Variants in AGBL1 observed in about 807,000 individuals in gnomAD.
The protein encoded by AGBL1 is cytosolic carboxypeptidase 4.
In AGBL1, 130 loss-of-function variants were observed where a neutral mutation model predicts 118.9. The ratio of observed to expected loss-of-function variants is 1.09; its 90% CI spans 0.95 to 1.26. AGBL1 has a LOEUF of 1.26. Among genes scored for constraint, AGBL1 ranks in the 50% most tolerant of loss-of-function variants. AGBL1 has a pLI of 0.00. For synonymous variants in AGBL1, 555 were observed against 478.9 expected, an observed-to-expected ratio of 1.16 and a Z score of -2.08; for missense variants, 1,584 against 1,298.1, an observed-to-expected ratio of 1.22 and a Z score of -3.38.
At chr15:86,744,286 A>G (rs965501927) in intron 22 of AGBL1, among the ~76,000 whole-genome samples, 1 of 152,154 alleles carries the variant, frequency 6.6e-6, no homozygotes, top group African/African-American at 2.4e-5. Flanking sequence ...ATATTTATAT[A>G]TTCTGCCATG....
intron 19 of AGBL1, among the ~76,000 whole-genome samples, chr15:86,544,690 A>G (rs2083554224): frequency 6.6e-6 from 1 of 152,158 alleles, no homozygotes; most frequent in African/African-American, 2.4e-5. Context: ...TACCCCCATG[A>G]TTTAATTGCT....
At chr15:86,638,460 A>G (rs1352189184) in intron 21 of AGBL1, among the ~76,000 whole-genome samples, 7 of 152,048 alleles carry the variant, frequency 4.6e-5, no homozygotes, top group Admixed American at 4.6e-4. Context: ...TTATCACTCT[A>G]TCTTGTGGGG....
intron 22 of AGBL1, among the ~76,000 whole-genome samples, chr15:86,896,883 G>C (rs1378502958): frequency 6.6e-6 from 1 of 152,080 alleles, no homozygotes; most frequent in Non-Finnish European, 1.5e-5. Context: ...CCATTTGTGA[G>C]ATCTTCACTA....
chr15:86,522,910 C>T lies in AGBL1; in HGVS notation c.2656C>T (p.His886Tyr). The change falls in exon 19 of 23, where the codon CAC becomes TAC. Residue 886 changes from histidine (H) to tyrosine (Y), a missense_variant. By Grantham distance (83) the His-to-Tyr change is moderately conservative (BLOSUM62 2). Coordinates refer to ENST00000614907, the MANE Select transcript of AGBL1 (RefSeq NM_001386094.1). Reference protein sequence around the residue: ...TIYHAKGLLYHLSSIGRSPVV... With the variant: ...TIYHAKGLLYYLSSIGRSPVV... ...TTACCATGCCAAAGGCCTCCTCTAC[C>T]ACCTGAGCAGCATTGGCCGAAGTCC... 2 of 1,613,990 alleles carry T rather than the reference C, an allele frequency of 1.2e-6. No individual in the cohort carries two copies. The highest frequency in any genetic ancestry group is 1.1e-5 in the South Asian group (1 of 91,084).
intron 22 of AGBL1, among the ~76,000 whole-genome samples, chr15:86,789,785 A>T (rs1044544806): frequency 6.6e-6 from 1 of 152,098 alleles, no homozygotes; most frequent in African/African-American, 2.4e-5. Context: ...AGTGCTTCTG[A>T]TGATAGGGAG....
downstream of AGBL1, among the ~76,000 whole-genome samples, chr15:86,921,021 C>T (rs1204448343): frequency 6.6e-6 from 1 of 152,180 alleles, no homozygotes; most frequent in African/African-American, 2.4e-5. Context: ...GCAGCTCACA[C>T]TTAGACCTGA....
intron 17 of AGBL1, among the ~76,000 whole-genome samples, chr15:86,321,785 A>G (rs1000531037): frequency 6.6e-6 from 1 of 151,756 alleles, no homozygotes; most frequent in African/African-American, 2.4e-5. Flanking sequence ...TCAAAAAAAA[A>G]AAATAGAATT....
intron 17 of AGBL1, among the ~76,000 whole-genome samples, chr15:86,343,477 G>C (rs2080492451): frequency 1.3e-5 from 2 of 152,106 alleles, no homozygotes; most frequent in South Asian, 4.2e-4. Context: ...TTCATGTGCT[G>C]TTTCCTGCCA....
chr15:86,792,430 G>A (rs1028123192), intron 22 of AGBL1, among the ~76,000 whole-genome samples: 4 of 152,154 alleles, frequency 2.6e-5, no homozygotes, highest in Admixed American at 2.6e-4. Context: ...AAGATGTCAA[G>A]CAAGGAATGA....
chr15:86,404,675 G>C (rs1283498237), intron 18 of AGBL1, among the ~76,000 whole-genome samples: 1 of 152,136 alleles, frequency 6.6e-6, no homozygotes, highest in African/African-American at 2.4e-5. Context: ...CAATTGACTG[G>C]GGAAAGTTTC....
chr15:86,337,274 T>G (rs536210213), intron 17 of AGBL1, among the ~76,000 whole-genome samples: 2 of 152,322 alleles, frequency 1.3e-5, no homozygotes, highest in African/African-American at 4.8e-5. Flanking sequence ...TAGTCACTCA[T>G]GTTGTGCAAG....
chr15:86,657,136 A>G (rs2085473682), intron 21 of AGBL1, among the ~76,000 whole-genome samples: 1 of 151,970 alleles, frequency 6.6e-6, no homozygotes, highest in Non-Finnish European at 1.5e-5. Flanking sequence ...TAATATGCTC[A>G]CTGTCTACCA....
intron 16 of AGBL1, among the ~76,000 whole-genome samples, chr15:86,290,495 T>G (rs1447241405): frequency 6.6e-6 from 1 of 151,180 alleles, no homozygotes; most frequent in Non-Finnish European, 1.5e-5. Context: ...GGACCACAGG[T>G]GTGCACCACC....
At chr15:86,937,033 C>G (rs1305361609) in intron 23 of AGBL1, among the ~76,000 whole-genome samples, 1 of 152,076 alleles carries the variant, frequency 6.6e-6, no homozygotes, top group African/African-American at 2.4e-5. Flanking sequence ...ATACATGCAG[C>G]CAACAAGCAT....
chr15:86,783,850 C>T (rs1302263938), intron 22 of AGBL1, among the ~76,000 whole-genome samples: 2 of 152,056 alleles, frequency 1.3e-5, no homozygotes, highest in Admixed American at 6.5e-5. Context: ...AGGCTGGTCT[C>T]GAATTCCTGA....
intron 22 of AGBL1, among the ~76,000 whole-genome samples, chr15:86,747,532 G>T (rs1306801149): frequency 6.6e-6 from 1 of 152,174 alleles, no homozygotes; most frequent in Non-Finnish European, 1.5e-5. Context: ...ACAACGTGCA[G>T]GTTTGTTACA....
At chr15:86,352,155 T>G (rs2080637872) in intron 17 of AGBL1, among the ~76,000 whole-genome samples, 1 of 152,216 alleles carries the variant, frequency 6.6e-6, no homozygotes, top group South Asian at 2.1e-4. Context: ...AACAGCCATT[T>G]CTAGACTTGA....
At chr15:86,652,713 A>G (rs779414211) in intron 21 of AGBL1, among the ~76,000 whole-genome samples, 3 of 152,182 alleles carry the variant, frequency 2.0e-5, no homozygotes, top group African/African-American at 7.2e-5. Context: ...TTGTGTTTGA[A>G]GTTTTCTCTT....
In AGBL1 at chr15:86,307,987, A is replaced by G. The variant is rs895353966; in HGVS notation, c.2374+12579A>G. 4.6e-5 allele frequency among the ~76,000 whole-genome samples: 7 copies of G among 152,248 alleles called. No homozygotes were observed. The Middle Eastern group carries it at 0.01, about 223-fold the overall frequency. On this transcript the variant is annotated intron_variant, in intron 17 of 22. Transcript: ENST00000614907. The stretch of plus-strand genomic sequence containing the variant: ...ATTCTGTGCTAAATGGTCTTTTGCT[A>G]TTCTTTATACTTTTAAATCACATAT...
Sources: gnomAD v4.1 joint callset for allele counts (sites outside exome capture counted in the v4.1 genomes callset) on GRCh38, gnomAD v4.1.1 for gene constraint, MANE v1.5 for transcripts, NCBI Gene and HGNC (gene_info 2026-07-23, HGNC 2026-07-21) for gene names.